PTPRK: variants seen among roughly 807,000 people sequenced by gnomAD.
PTPRK encodes the protein protein tyrosine phosphatase receptor type K, also known as receptor-type tyrosine-protein phosphatase kappa.
PTPRK carries 75 observed loss-of-function variants against 178.0 expected under a neutral mutation model. The ratio of observed to expected loss-of-function variants is 0.42; its 90% CI spans 0.35 to 0.51. The LOEUF is 0.51. Ranked by LOEUF, PTPRK falls within the 20% of genes least tolerant of loss-of-function variation. The pLI is 0.02. For missense variants in PTPRK, 1,441 were observed against 1,797.8 expected (o/e 0.80, Z 3.59); for synonymous variants, 637 against 620.6 (o/e 1.03, Z -0.39).
At chr6:128,228,225 T>A (rs1043497043) in intron 5 of PTPRK, among the ~76,000 whole-genome samples, 4 of 151,774 alleles carry the variant, frequency 2.6e-5, no homozygotes, top group Non-Finnish European at 4.4e-5. Context: ...AAGGGGTAAT[T>A]TTTAATGTTT....
chr6:128,080,057 G>A (rs568334092), intron 10 of PTPRK, among the ~76,000 whole-genome samples: 6 of 150,734 alleles, frequency 4.0e-5, no homozygotes, highest in South Asian at 2.1e-4. Context: ...TATTGGCAGT[G>A]GGGGGATGAA....
At chr6:128,407,308 A>T (rs1161633847) in intron 1 of PTPRK, among the ~76,000 whole-genome samples, 1 of 152,146 alleles carries the variant, frequency 6.6e-6, no homozygotes, top group Non-Finnish European at 1.5e-5. Context: ...ATATGAGAAG[A>T]TCTCCAAACT....
At chr6:128,144,797 A>C (rs1796246687) in intron 7 of PTPRK, among the ~76,000 whole-genome samples, 1 of 152,144 alleles carries the variant, frequency 6.6e-6, no homozygotes, top group African/African-American at 2.4e-5. Flanking sequence ...TATTGCACCA[A>C]AAATATAACC....
At chr6:128,052,819 T>C (rs1779246580) in intron 13 of PTPRK, among the ~76,000 whole-genome samples, 1 of 152,190 alleles carries the variant, frequency 6.6e-6, no homozygotes, top group South Asian at 2.1e-4. Context: ...GCTTTCCTAT[T>C]TTATTCAGTG....
At chr6:128,321,968 C>CATCT (rs1562280734) in intron 3 of PTPRK, 71 bp downstream of exon 3, 1 of 1,591,746 alleles carries the variant, frequency 6.3e-7, no homozygotes, top group Non-Finnish European at 8.6e-7. Context: ...TGCATATTTA[C>CATCT]ATCTATGTAT....
chr6:128,153,036 T>C (rs1357690110), intron 7 of PTPRK, among the ~76,000 whole-genome samples: 1 of 151,886 alleles, frequency 6.6e-6, no homozygotes, highest in Non-Finnish European at 1.5e-5. Context: ...GTCTTCCACC[T>C]CTCTACAACT....
chr6:128,010,600 A>G (rs1380716018), intron 13 of PTPRK, among the ~76,000 whole-genome samples: 1 of 151,292 alleles, frequency 6.6e-6, no homozygotes, highest in Non-Finnish European at 1.5e-5. Context: ...TTAATTTCTC[A>G]AAGTAAGAAA....
At chr6:128,373,711 T>C (rs1836624360) in intron 2 of PTPRK, among the ~76,000 whole-genome samples, 1 of 152,154 alleles carries the variant, frequency 6.6e-6, no homozygotes, top group African/African-American at 2.4e-5. Flanking sequence ...TATGCACCTA[T>C]GCACAGTGGT....
chr6:128,388,515 G>C (rs2128362057), intron 2 of PTPRK, among the ~76,000 whole-genome samples: 1 of 152,174 alleles, frequency 6.6e-6, no homozygotes, highest in East Asian at 1.9e-4. Context: ...AGGCATAAGA[G>C]ATACAACTTC....
At chr6:128,202,753 A>G (rs1806204699) in intron 6 of PTPRK, among the ~76,000 whole-genome samples, 1 of 152,214 alleles carries the variant, frequency 6.6e-6, no homozygotes, top group Admixed American at 6.5e-5. Flanking sequence ...AAATTGAGGC[A>G]CTAATAAATA....
At position 128,219,081 on chromosome 6, in the gene PTPRK, C is replaced by T; in HGVS notation, c.709G>A (p.Asp237Asn). 6.2e-7 allele frequency: 1 copy of T among 1,612,990 alleles called. No individual in the cohort carries two copies. Among genetic ancestry groups the T allele is most frequent in the Non-Finnish European group, 8.5e-7 (1 of 1,179,354 alleles). ...KLWLQRRNGEDIPVAQTKNIN... is the reference protein window; with the variant it reads ...KLWLQRRNGENIPVAQTKNIN... ...TTCTTAGTCTGGGCTACTGGTATAT[C>T]TTCTCCATTTCGTCTCTGCAAACAG... Residue 237 changes from aspartate (D) to asparagine (N), a missense_variant, in exon 6 of 30, where the codon GAT becomes AAT. Physicochemically the swap from Asp to Asn is conservative, Grantham distance 23. Transcript: ENST00000368226.
chr6:127,989,794 G>A (rs1776393551), intron 21 of PTPRK, among the ~76,000 whole-genome samples: 1 of 147,278 alleles, frequency 6.8e-6, no homozygotes, highest in South Asian at 2.2e-4. Context: ...GTTAACAATT[G>A]TGTTTCTTCA....
rs1206350481 is a variant in PTPRK at position 128,270,519 on chromosome 6, A to G, written c.496-27917T>C. ...ACACATACAGTGACCATAACTAATTAGTACACATTGAATATAAAAGGAGAG... is the reference window on the plus strand; with the variant it reads ...ACACATACAGTGACCATAACTAATTGGTACACATTGAATATAAAAGGAGAG... On this transcript the variant is annotated intron_variant, in intron 3 of 29. Coordinates refer to ENST00000368226, the MANE Select transcript of PTPRK (RefSeq NM_002844.4). Among the ~76,000 whole-genome samples, 3 of 152,184 alleles carry G rather than the reference A, an allele frequency of 2.0e-5. No homozygotes were observed. In the East Asian group the frequency reaches 5.8e-4, roughly 29 times the overall value.
chr6:128,016,441 G>A (rs1050750808), intron 13 of PTPRK, among the ~76,000 whole-genome samples: 4 of 151,846 alleles, frequency 2.6e-5, no homozygotes, highest in African/African-American at 7.2e-5. Context: ...GCTATAAGGA[G>A]GACACTTCTC....
At chr6:127,978,896 A>G (rs1166077744) in intron 25 of PTPRK, among the ~76,000 whole-genome samples, 1 of 152,238 alleles carries the variant, frequency 6.6e-6, no homozygotes, top group Non-Finnish European at 1.5e-5. Context: ...AAAGAAGTGA[A>G]CAATAAACCC....
intron 2 of PTPRK, among the ~76,000 whole-genome samples, chr6:128,373,668 A>G (rs1049632236): frequency 6.6e-6 from 1 of 152,054 alleles, no homozygotes; most frequent in African/African-American, 2.4e-5. Context: ...AACAGATAAC[A>G]TTACAAAGTG....
At chr6:128,200,038 A>C (rs187012060) in intron 6 of PTPRK, among the ~76,000 whole-genome samples, 1 of 152,328 alleles carries the variant, frequency 6.6e-6, no homozygotes, top group Non-Finnish European at 1.5e-5. Context: ...GGCATCAAGT[A>C]AACTTTTTTC....
rs371891674 is a variant in PTPRK, at chr6:128,516,357, AG to A, written c.100+3901del. 1.6e-4 allele frequency among the ~76,000 whole-genome samples: 25 copies of A among 152,278 alleles called. No homozygotes were observed. The South Asian group carries it at 5.0e-3, about 30-fold the overall frequency. ...GACACAAAACTACATCTCACGACCTAGGAAAATCAAGAGTCAGATGCAAGAG... is the reference window on the plus strand; with the variant it reads ...GACACAAAACTACATCTCACGACCTAGAAAATCAAGAGTCAGATGCAAGAG... On this transcript the variant is annotated intron_variant, in intron 1 of 29. Coordinates refer to ENST00000368226, the MANE Select transcript of PTPRK (RefSeq NM_002844.4).
chr6:128,223,220 T>C (rs890022198), intron 5 of PTPRK, among the ~76,000 whole-genome samples: 6 of 152,000 alleles, frequency 3.9e-5, no homozygotes, highest in African/African-American at 1.4e-4. Flanking sequence ...GCTCAAGTAC[T>C]TTGTTAAAAT....
Sources: gnomAD v4.1 joint callset for allele counts (sites outside exome capture counted in the v4.1 genomes callset) on GRCh38, gnomAD v4.1.1 for gene constraint, MANE v1.5 for transcripts, NCBI Gene and HGNC (gene_info 2026-07-23, HGNC 2026-07-21) for gene names.